Variants in BCAS3 observed in about 807,000 individuals in gnomAD.
BCAS3 encodes the protein BCAS4/BCAS3 fusion.
BCAS3 carries 53 observed loss-of-function variants against 116.1 expected under a neutral mutation model. That is an observed-to-expected ratio of 0.46 (90% CI 0.37 to 0.57). The LOEUF is 0.57. BCAS3 is among the 20% of genes least tolerant of loss of function. BCAS3 has a pLI of 0.00. For missense variants in BCAS3, 917 were observed against 1,165.4 expected (o/e 0.79, Z 3.10); for synonymous variants, 391 against 408.2 (o/e 0.96, Z 0.51).
intron 22 of BCAS3, among the ~76,000 whole-genome samples, chr17:61,271,638 G>T: frequency 8.6e-6 from 1 of 116,354 alleles, no homozygotes; most frequent in East Asian, 3.2e-4. Flanking sequence ...TGTGTGTTTA[G>T]TAGAGACGGG....
At chr17:60,734,459 T>A (rs773416232) in intron 5 of BCAS3, among the ~76,000 whole-genome samples, 1 of 152,206 alleles carries the variant, frequency 6.6e-6, no homozygotes, top group South Asian at 2.1e-4. Flanking sequence ...TTTTAGACTT[T>A]CGTGTTTCAC....
Position 61,321,174 on chromosome 17 carries a change from C to G in BCAS3, c.2426-47153C>G, listed in dbSNP as rs1477753821. Among the ~76,000 whole-genome samples the G allele has an allele frequency of 2.0e-5, 3 of 152,122 alleles. No homozygotes were observed. The East Asian group carries it at 5.8e-4, about 29-fold the overall frequency. On this transcript the variant is annotated intron_variant, in intron 22 of 23. Coordinates refer to ENST00000407086, the MANE Select transcript of BCAS3 (RefSeq NM_017679.5). Reference sequence around the variant, plus strand: ...AACATAACTAAAAATATATCTCCAGCTTCCCTTACCTCTTCATTTGTTTAA... The same window carrying G: ...AACATAACTAAAAATATATCTCCAGGTTCCCTTACCTCTTCATTTGTTTAA...
At chr17:61,038,205 C>T in intron 18 of BCAS3, 151 bp downstream of exon 18, 1 of 655,772 alleles carries the variant, frequency 1.5e-6, no homozygotes, top group Non-Finnish European at 2.5e-6. Flanking sequence ...TCAAATGTTT[C>T]TTGGTGACCC....
chr17:60,725,698 C>T (rs138213997), intron 5 of BCAS3, among the ~76,000 whole-genome samples: 163 of 152,224 alleles, frequency 1.1e-3, no homozygotes, highest in Admixed American at 2.6e-3. Context: ...ACAGACTCCT[C>T]GAACAAAGAA....
At chr17:61,267,760 C>CAAGAAGGT (rs2144614331) in intron 22 of BCAS3, among the ~76,000 whole-genome samples, 1 of 151,012 alleles carries the variant, frequency 6.6e-6, no homozygotes, top group South Asian at 2.1e-4. Flanking sequence ...AGAAAGGTGG[C>CAAGAAGGT]AAGAAGGTGA....
intron 9 of BCAS3, among the ~76,000 whole-genome samples, chr17:60,876,233 T>C (rs16944668): frequency 0.12 from 18,575 of 152,086 alleles, 3,447 homozygotes; most frequent in African/African-American, 0.4. Context: ...GAAAGTTTAG[T>C]GTCCTTGCTA....
chr17:61,352,775 G>T lies in BCAS3; in HGVS notation c.2426-15552G>T, dbSNP rs1340592068. On this transcript the variant is annotated intron_variant, in intron 22 of 23. Transcript: ENST00000407086. This position sits in a 1 kb window ranked among gnomAD's most constrained non-coding sequence, Gnocchi z 4.7. ...TGGACTCCCCACCCCTCTCCTCTAG[G>T]CAGTAAGGCCTGTAAGAGAAAAGGG... Among the ~76,000 whole-genome samples, 1 of 152,170 alleles carries T rather than the reference G, an allele frequency of 6.6e-6. No homozygotes were observed.
intron 6 of BCAS3, among the ~76,000 whole-genome samples, chr17:60,784,539 G>A (rs950897431): frequency 4.0e-5 from 6 of 151,242 alleles, no homozygotes; most frequent in East Asian, 4.0e-4. Flanking sequence ...TCTTGACTTT[G>A]TAATCTGCTC....
rs986461010 is a variant in BCAS3, at chr17:61,095,527, G to A, written c.2425+10963G>A. Among the ~76,000 whole-genome samples the A allele has an allele frequency of 5.3e-5, 8 of 152,026 alleles. No homozygotes were observed. Among genetic ancestry groups the A allele is most frequent in the Non-Finnish European group, 1.0e-4 (7 of 68,002 alleles). ...TTGTCATCCAGGTTGGAGTGTGGTGGTGCAATCTCGGTTCATTGCAACCTC... is the reference window on the plus strand; with the variant it reads ...TTGTCATCCAGGTTGGAGTGTGGTGATGCAATCTCGGTTCATTGCAACCTC... On this transcript the variant is annotated intron_variant, in intron 22 of 23. Coordinates refer to ENST00000407086, the MANE Select transcript of BCAS3 (RefSeq NM_017679.5). This position sits in a 1 kb window ranked among gnomAD's most constrained non-coding sequence, Gnocchi z 4.7.
intron 6 of BCAS3, among the ~76,000 whole-genome samples, chr17:60,766,165 C>T (rs779010102): frequency 2.6e-5 from 4 of 152,042 alleles, no homozygotes; most frequent in Non-Finnish European, 2.9e-5. Context: ...TTATTATTAC[C>T]GACTTTCTGA....
chr17:60,922,877 T>A (rs2059179353), intron 12 of BCAS3, among the ~76,000 whole-genome samples: 1 of 152,204 alleles, frequency 6.6e-6, no homozygotes, highest in Non-Finnish European at 1.5e-5. Flanking sequence ...CATTAGCAAA[T>A]ATTTTGAATT....
chr17:60,793,404 A>G (rs112943992), intron 6 of BCAS3, among the ~76,000 whole-genome samples: 1 of 151,694 alleles, frequency 6.6e-6, no homozygotes, highest in Admixed American at 6.6e-5. Context: ...CTTTATTTTT[A>G]TTTTTTATTT....
At chr17:60,853,665 A>C (rs190513901) in intron 7 of BCAS3, among the ~76,000 whole-genome samples, 2 of 152,324 alleles carry the variant, frequency 1.3e-5, no homozygotes, top group East Asian at 3.9e-4. Context: ...TTCCTCTAAA[A>C]TGTAAGTTCC....
intron 22 of BCAS3, among the ~76,000 whole-genome samples, chr17:61,350,528 A>G (rs374952411): frequency 5.9e-5 from 9 of 152,146 alleles, no homozygotes; most frequent in African/African-American, 1.9e-4. Flanking sequence ...CTGTGTGTCC[A>G]TGCTCCTGCA....
Position 61,084,593 on chromosome 17 carries a change from G to A in BCAS3, c.2425+29G>A. 2 of 1,531,716 alleles carry A rather than the reference G, an allele frequency of 1.3e-6. No homozygotes were observed. Among genetic ancestry groups the A allele is most frequent in the Admixed American group, 1.7e-5 (1 of 59,690 alleles). The allele number at this position is 1,531,716 out of a possible 1,614,324, so 94.9% of individuals were successfully genotyped here. ...GAAAACCACCTCTGAAATATTTATTGGGCAGTCCTGTGCATTTTTAACTAA... is the reference window on the plus strand; with the variant it reads ...GAAAACCACCTCTGAAATATTTATTAGGCAGTCCTGTGCATTTTTAACTAA... On this transcript the variant is annotated intron_variant, in intron 22 of 23. Transcript: ENST00000407086. The surrounding 1 kb of genome is among the most constrained non-coding windows in gnomAD (Gnocchi z 5.5).
chr17:61,054,992 A>T (rs573223771), intron 19 of BCAS3, among the ~76,000 whole-genome samples: 24 of 152,312 alleles, frequency 1.6e-4, no homozygotes, highest in African/African-American at 5.8e-4. Context: ...GATGTCATTT[A>T]TGCTATCTCA....
chr17:61,360,684 T>G (rs8073199), intron 22 of BCAS3, among the ~76,000 whole-genome samples: 5,440 of 152,278 alleles, frequency 0.036, 317 homozygotes, highest in African/African-American at 0.12. Flanking sequence ...GGACCCACCC[T>G]AAACCCAGGA....
chr17:60,857,816 A>T (rs1251197854), intron 7 of BCAS3, among the ~76,000 whole-genome samples: 1 of 152,148 alleles, frequency 6.6e-6, no homozygotes, highest in East Asian at 1.9e-4. Context: ...TTTTCCTATT[A>T]GTTGTTGAAT....
chr17:60,778,415 G>C (rs971385889), intron 6 of BCAS3, among the ~76,000 whole-genome samples: 4 of 151,906 alleles, frequency 2.6e-5, no homozygotes, highest in African/African-American at 4.8e-5. Context: ...TCAATTTGTG[G>C]TGCAGCAAAA....
Sources: allele counts gnomAD v4.1 joint callset (sites outside exome capture counted in the v4.1 genomes callset), GRCh38; gene constraint gnomAD v4.1.1; non-coding constraint Gnocchi (gnomAD v3.1); transcripts MANE v1.5; gene names NCBI Gene and HGNC (gene_info 2026-07-23, HGNC 2026-07-21).